The following SYNE1 variants were observed in gnomAD, a reference collection of about 807,000 sequenced individuals.
SYNE1 encodes the protein spectrin repeat containing nuclear envelope protein 1, also known as nesprin-1.
SYNE1 carries 616 observed loss-of-function variants against 1,111.0 expected under a neutral mutation model. That is an observed-to-expected ratio of 0.55 (90% CI 0.52 to 0.59). SYNE1 has a LOEUF of 0.59. Among genes scored for constraint, SYNE1 ranks in the 20% least tolerant of loss-of-function variants. The pLI is 0.00. For missense variants in SYNE1, 10,006 were observed against 10,417.0 expected (o/e 0.96, Z 1.72); for synonymous variants, 3,855 against 3,825.8 (o/e 1.01, Z -0.28).
At chr6:152,446,416 T>TA (rs1728262537) in intron 29 of SYNE1, among the ~76,000 whole-genome samples, 2 of 152,150 alleles carry the variant, frequency 1.3e-5, no homozygotes, top group African/African-American at 4.8e-5. Context: ...AATTTATATA[T>TA]AAAAATTCTC....
chr6:152,212,391 T>C (rs1232265239), intron 123 of SYNE1, among the ~76,000 whole-genome samples: 1 of 152,222 alleles, frequency 6.6e-6, no homozygotes, highest in Non-Finnish European at 1.5e-5. Context: ...TAGTCTTTTG[T>C]GACTGGTTTC....
intron 131 of SYNE1, among the ~76,000 whole-genome samples, chr6:152,161,981 T>C (rs187783823): frequency 2.6e-5 from 4 of 152,160 alleles, no homozygotes; most frequent in South Asian, 2.1e-4. Context: ...ATTTTTAACA[T>C]AGTGACTCTA....
In SYNE1 at chr6:152,330,221, C is replaced by T. The variant is rs752797602; in HGVS notation, c.14464G>A (p.Ala4822Thr). Residue 4822 changes from alanine to threonine, a missense_variant, in exon 78 of 146, where the codon GCA (alanine) becomes ACA (threonine). Ala to Thr is a moderately conservative substitution (Grantham distance 58). This residue lies in a region of SYNE1 where 4,955 missense variants were observed against 5,017.2 expected (regional missense o/e 0.99). Transcript: ENST00000367255. ...ATCCCTGAGTCCTGGAGACTTCCTGCCAGGGAGTGATACATTTTGAGCTTC... is the reference window on the plus strand; with the variant it reads ...ATCCCTGAGTCCTGGAGACTTCCTGTCAGGGAGTGATACATTTTGAGCTTC... ...EEKLKMYHSL[A>T]GSLQDSGIVL... 3 of 1,614,022 alleles carry T rather than the reference C, an allele frequency of 1.9e-6. No homozygotes were observed. In the Admixed American group the frequency reaches 5.0e-5, roughly 27 times the overall value.
At chr6:152,292,066 A>C (rs906285448) in intron 95 of SYNE1, among the ~76,000 whole-genome samples, 3 of 152,152 alleles carry the variant, frequency 2.0e-5, no homozygotes, top group Non-Finnish European at 2.9e-5. Flanking sequence ...TAGGAGCCAC[A>C]GGGAGCACAC....
chr6:152,492,929 CTCT>C (rs2098979184), intron 11 of SYNE1, among the ~76,000 whole-genome samples: 1 of 98,472 alleles, frequency 1.0e-5, no homozygotes, highest in Admixed American at 1.0e-4. Flanking sequence ...TCTTTTATGC[CTCT>C]TTTTTAGTTA....
At chr6:152,341,247 A>G (rs2096529157) in intron 74 of SYNE1, among the ~76,000 whole-genome samples, 1 of 152,204 alleles carries the variant, frequency 6.6e-6, no homozygotes, top group South Asian at 2.1e-4. Flanking sequence ...ACCCAGAGAA[A>G]GTTATTTGTC....
At chr6:152,568,919 A>G (rs938350013) in intron 3 of SYNE1, among the ~76,000 whole-genome samples, 5 of 152,274 alleles carry the variant, frequency 3.3e-5, no homozygotes, top group Non-Finnish European at 7.3e-5. Context: ...TGAGATAAGC[A>G]TAATATCCAG....
At chr6:152,241,308 C>T (rs1418601974) in intron 107 of SYNE1, among the ~76,000 whole-genome samples, 1 of 151,880 alleles carries the variant, frequency 6.6e-6, no homozygotes. Flanking sequence ...AAAATAGGAA[C>T]GACAATTTGA....
intron 4 of SYNE1, among the ~76,000 whole-genome samples, chr6:152,528,306 C>CTGACTGAA (rs1291527496): frequency 2.0e-5 from 3 of 151,860 alleles, no homozygotes; most frequent in African/African-American, 7.3e-5. Context: ...GACTGACTGA[C>CTGACTGAA]TGAATGAATG....
chr6:152,585,742 A>T (rs1332846371), intron 3 of SYNE1, among the ~76,000 whole-genome samples: 2 of 152,234 alleles, frequency 1.3e-5, no homozygotes, highest in Non-Finnish European at 2.9e-5. Flanking sequence ...AAAGAAAAAG[A>T]AAAACACCGC....
In SYNE1 at chr6:152,319,002, A is replaced by G. The variant is rs1322786203; in HGVS notation, c.16250T>C (p.Ile5417Thr). 3.1e-6 allele frequency: 5 copies of G among 1,613,904 alleles called. No homozygotes were observed. The highest frequency in any genetic ancestry group is 3.3e-5 in the Admixed American group (2 of 59,972). ...LKIRDQIQDK[I>T]KEVEQSKATS... ...GGCCTTGCTCTGCTCAACTTCTTTT[A>G]TTTTGTCTTGGATCTAAAAAAATCA... The change falls in exon 85 of 146, where the codon ATA (isoleucine) becomes ACA (threonine). Residue 5417 changes from isoleucine to threonine, a missense_variant. Coordinates refer to ENST00000367255, the MANE Select transcript of SYNE1 (RefSeq NM_182961.4).
intron 46 of SYNE1, 104 bp from the exon 47 acceptor site, chr6:152,401,445 T>A: frequency 1.7e-6 from 2 of 1,168,318 alleles, no homozygotes; most frequent in South Asian, 1.3e-5. Context: ...GCCACACAAG[T>A]CTCATCATGG....
At chr6:152,596,665 T>C (rs1252922894) in intron 3 of SYNE1, among the ~76,000 whole-genome samples, 1 of 152,220 alleles carries the variant, frequency 6.6e-6, no homozygotes, top group Non-Finnish European at 1.5e-5. Context: ...GTAAGTATTG[T>C]ACGTAAGCAG....
At position 152,358,512 on chromosome 6, in the gene SYNE1, A is replaced by G. The variant is rs765879613; in HGVS notation, c.10469T>C (p.Leu3490Pro). The change falls in exon 66 of 146, where the codon CTT (leucine) becomes CCT (proline). Residue 3490 changes from leucine to proline, a missense_variant. Leu to Pro is a moderately conservative substitution (Grantham distance 98, BLOSUM62 -3). Transcript: ENST00000367255. ...CTGATACTCTTGGTGCAGGCGGACA[A>G]GTTTTTCAGACTTGGTTACGGCTTC... ...AKEAVTKSEK[L>P]VRLHQEYQRD... 1 of 1,614,194 alleles carries G rather than the reference A, an allele frequency of 6.2e-7. No homozygotes were observed. The highest frequency in any genetic ancestry group is 1.1e-5 in the South Asian group (1 of 91,088).
At chr6:152,614,262 T>C (rs1176192762) in intron 3 of SYNE1, among the ~76,000 whole-genome samples, 1 of 152,006 alleles carries the variant, frequency 6.6e-6, no homozygotes, top group Non-Finnish European at 1.5e-5. Context: ...ATATCCAGAA[T>C]CTACAAAGAA....
Position 152,506,746 on chromosome 6 carries a change from A to C in SYNE1, c.582-1349T>G, listed in dbSNP as rs147725089. On this transcript the variant is annotated intron_variant, in intron 8 of 145. Coordinates refer to ENST00000367255, the MANE Select transcript of SYNE1 (RefSeq NM_182961.4). ...TGAATACAAAAAATACAAAAAATCA[A>C]TAAGAATACAAACATTTTGTATTAT... Among the ~76,000 whole-genome samples, 190 of 152,208 alleles carry C rather than the reference A, an allele frequency of 1.2e-3. 1 individual carries two copies. Among genetic ancestry groups the C allele is most frequent in the African/African-American group, 4.3e-3 (178 of 41,530 alleles).
rs761395846 is a variant in SYNE1 at position 152,526,125 on chromosome 6, A to G, written c.180T>C (p.Gly60=). The change falls in exon 5 of 146, where the codon GGT becomes GGC. Residue 60 remains glycine, a synonymous_variant. Transcript: ENST00000367255. ...CCTCCAGAAGGGCAAGCAGTTTAACACCATCTTTCATGTCTTCAAAAAGAT... is the reference window on the plus strand; with the variant it reads ...CCTCCAGAAGGGCAAGCAGTTTAACGCCATCTTTCATGTCTTCAAAAAGAT... ...VDDLFEDMKD[G]VKLLALLEVL... 2 of 1,614,114 alleles carry G rather than the reference A, an allele frequency of 1.2e-6. No individual in the cohort carries two copies. The highest frequency in any genetic ancestry group is 1.7e-6 in the Non-Finnish European group (2 of 1,179,990).
At chr6:152,514,447 G>A (rs1394395433) in intron 6 of SYNE1, among the ~76,000 whole-genome samples, 1 of 152,068 alleles carries the variant, frequency 6.6e-6, no homozygotes, top group Non-Finnish European at 1.5e-5. Flanking sequence ...ATGGACACAG[G>A]GAGGGGAACA....
At chr6:152,253,813 GTTTGGTTTTTTTTTTTTTTTTTTTTTTT>G (rs1244837138) in intron 104 of SYNE1, among the ~76,000 whole-genome samples, 33 of 33,236 alleles carry the variant, frequency 9.9e-4, no homozygotes, top group South Asian at 3.9e-3. Context: ...ATGTGTAGTG[GTTTGGTTTTTTTTTTTTTTTTTTTTTTT>G]TTTTTTTTTT....
Sources: allele counts gnomAD v4.1 joint callset (sites outside exome capture counted in the v4.1 genomes callset), GRCh38; gene constraint gnomAD v4.1.1; regional missense constraint gnomAD v4.1.1; transcripts MANE v1.5; gene names NCBI Gene and HGNC (gene_info 2026-07-23, HGNC 2026-07-21).